The following CELF1 variants were observed in gnomAD, a reference collection of about 807,000 sequenced individuals.
CELF1 encodes the protein CUGBP Elav-like family member 1, also known as 50 kDa nuclear polyadenylated RNA-binding protein.
In CELF1, 10 loss-of-function variants were observed where a neutral mutation model predicts 61.8. The observed-to-expected ratio is 0.16, with a 90% CI of 0.10 to 0.27. The LOEUF (loss-of-function observed/expected upper bound fraction) is 0.27. Ranked by LOEUF, CELF1 falls within the 10% of genes least tolerant of loss-of-function variation. CELF1 has a pLI of 1.00. For synonymous variants in CELF1, 236 were observed against 225.1 expected (o/e 1.05, Z -0.43); for missense variants, 380 against 639.1 (o/e 0.59, Z 4.37).
intron 1 of CELF1, among the ~76,000 whole-genome samples, chr11:47,525,608 A>G (rs1183348967): frequency 6.6e-6 from 1 of 152,218 alleles, no homozygotes; most frequent in Non-Finnish European, 1.5e-5. Context: ...CACCAAGCCC[A>G]GCCTGGTTAT....
chr11:47,518,443 G>T (rs965220482), intron 1 of CELF1, among the ~76,000 whole-genome samples: 6 of 152,190 alleles, frequency 3.9e-5, no homozygotes, highest in Admixed American at 2.6e-4. Flanking sequence ...GTCAAAACAA[G>T]TTCTATAAAT....
At chr11:47,547,138 T>C (rs2096982552) in intron 1 of CELF1, among the ~76,000 whole-genome samples, 1 of 137,390 alleles carries the variant, frequency 7.3e-6, no homozygotes, top group South Asian at 2.4e-4. Flanking sequence ...AAAATCTGAC[T>C]AGATTAGAAA....
intron 1 of CELF1, among the ~76,000 whole-genome samples, chr11:47,525,596 G>A (rs2096198147): frequency 6.6e-6 from 1 of 152,188 alleles, no homozygotes; most frequent in Non-Finnish European, 1.5e-5. Context: ...ACTGGCATGA[G>A]CCACCAAGCC....
At chr11:47,563,317 G>T (rs923641579) in intron 2 of CELF1, among the ~76,000 whole-genome samples, 1 of 152,196 alleles carries the variant, frequency 6.6e-6, no homozygotes, top group Non-Finnish European at 1.5e-5. Flanking sequence ...GTTTGCCTAA[G>T]GCTGGAGGAT....
intron 4 of CELF1, among the ~76,000 whole-genome samples, chr11:47,488,611 A>G (rs2089206296): frequency 6.6e-6 from 1 of 152,234 alleles, no homozygotes; most frequent in South Asian, 2.1e-4. Context: ...TTAACTTTTT[A>G]AAGCCATTAA....
intron 1 of CELF1, among the ~76,000 whole-genome samples, chr11:47,511,913 A>T (rs1565861376): frequency 6.6e-6 from 1 of 152,100 alleles, no homozygotes; most frequent in Admixed American, 6.6e-5. Context: ...AAGTGGCATG[A>T]TCTCGACTCA....
At chr11:47,552,258 C>T (rs940529638) in intron 1 of CELF1, among the ~76,000 whole-genome samples, 1 of 152,204 alleles carries the variant, frequency 6.6e-6, no homozygotes, top group African/African-American at 2.4e-5. Context: ...ATGAGAAGCT[C>T]CTTGGTGCAT....
intron 1 of CELF1, chr11:47,513,920 AC>A (rs2095398165): frequency 8.6e-6 from 1 of 116,656 alleles, no homozygotes; most frequent in Admixed American, 1.1e-4. Context: ...ACTCAAATAC[AC>A]AAAATTTTCC....
At chr11:47,489,583 G>A (rs1361969998) in intron 3 of CELF1, among the ~76,000 whole-genome samples, 2 of 152,122 alleles carry the variant, frequency 1.3e-5, no homozygotes, top group Non-Finnish European at 1.5e-5. Flanking sequence ...CATAATGCTC[G>A]AGTTAGGTCT....
intron 1 of CELF1, among the ~76,000 whole-genome samples, chr11:47,526,019 T>C (rs1306569454): frequency 6.6e-6 from 1 of 151,720 alleles, no homozygotes; most frequent in African/African-American, 2.4e-5. Context: ...TTATCCCACC[T>C]ACCAGAACTC....
At chr11:47,530,852 G>GTC (rs2096446988) in intron 1 of CELF1, among the ~76,000 whole-genome samples, 1 of 151,584 alleles carries the variant, frequency 6.6e-6, no homozygotes, top group Admixed American at 6.6e-5. Context: ...CTACTTGAGA[G>GTC]GTTGAGGCGG....
chr11:47,529,680 G>C (rs1275576130), intron 1 of CELF1, among the ~76,000 whole-genome samples: 1 of 151,926 alleles, frequency 6.6e-6, no homozygotes, highest in East Asian at 1.9e-4. Flanking sequence ...AATTAGCTGG[G>C]TGTGGTGGCA....
upstream of CELF1, among the ~76,000 whole-genome samples, chr11:47,555,444 A>C (rs2097203058): frequency 6.6e-6 from 1 of 152,192 alleles, no homozygotes; most frequent in Non-Finnish European, 1.5e-5. Flanking sequence ...TAGGGCTCCC[A>C]TTTGCAAGGG....
At chr11:47,489,061 A>G in intron 3 of CELF1, 37 bp from the exon 4 acceptor site, 8 of 1,442,010 alleles carry the variant, frequency 5.5e-6, no homozygotes, top group Non-Finnish European at 7.3e-6. Flanking sequence ...TTATGTAATA[A>G]TGTTGCTTTC....
At chr11:47,546,759 A>G (rs1349504149) in intron 1 of CELF1, among the ~76,000 whole-genome samples, 1 of 152,124 alleles carries the variant, frequency 6.6e-6, no homozygotes, top group African/African-American at 2.4e-5. Context: ...ATACTTTTTC[A>G]GCACACATTT....
intron 2 of CELF1, among the ~76,000 whole-genome samples, chr11:47,558,206 TCA>T (rs1449561320): frequency 1.3e-5 from 2 of 151,842 alleles, no homozygotes; most frequent in African/African-American, 2.4e-5. Context: ...GCTGCGAGCG[TCA>T]CACTGCATCA....
chr11:47,547,868 G>A (rs976565888), intron 1 of CELF1, among the ~76,000 whole-genome samples: 5 of 152,050 alleles, frequency 3.3e-5, no homozygotes, highest in Admixed American at 6.6e-5. Context: ...CCAGAGGCTG[G>A]GGGGAGGGGA....
chr11:47,538,420 G>A (rs11039281), intron 1 of CELF1, among the ~76,000 whole-genome samples: 13,744 of 152,176 alleles, frequency 0.09, 837 homozygotes, highest in Non-Finnish European at 0.14. Context: ...CAGGCGGGCA[G>A]ATCACGAGGT....
rs143704536 is a variant in CELF1, at chr11:47,548,054, A to G, written c.-154+4938T>C. Among the ~76,000 whole-genome samples, 839 of 152,172 alleles carry G rather than the reference A, an allele frequency of 5.5e-3. 8 individuals carry two copies. The highest frequency in any genetic ancestry group is 0.02 in the African/African-American group (811 of 41,500). On this transcript the variant is annotated intron_variant, in intron 1 of 14. Transcript: ENST00000687097. The stretch of plus-strand genomic sequence containing the variant: ...GGTGGCTCAAGCCTGTAATCCCAAC[A>G]CTTTGGGAGGCTGAGGCAGGTGGAT...
Sources: gnomAD v4.1 joint callset for allele counts (sites outside exome capture counted in the v4.1 genomes callset) on GRCh38, gnomAD v4.1.1 for gene constraint, MANE v1.5 for transcripts, NCBI Gene and HGNC (gene_info 2026-07-23, HGNC 2026-07-21) for gene names.